DENND1A: variants seen among roughly 807,000 people sequenced by gnomAD.
The protein encoded by DENND1A is DENN domain-containing protein 1A.
In DENND1A, 51 loss-of-function variants were observed where a neutral mutation model predicts 113.7. The ratio of observed to expected loss-of-function variants is 0.45; its 90% CI spans 0.36 to 0.57. The LOEUF (loss-of-function observed/expected upper bound fraction) is 0.57, where lower values mean the gene tolerates loss of function less well. DENND1A is among the 20% of genes least tolerant of loss of function. DENND1A has a pLI of 0.00. For missense variants in DENND1A, 1,258 were observed against 1,395.9 expected (o/e 0.90, Z 1.57); for synonymous variants, 565 against 570.8 (o/e 0.99, Z 0.14).
intron 1 of DENND1A, among the ~76,000 whole-genome samples, chr9:123,920,909 T>C (rs981397673): frequency 6.6e-6 from 1 of 152,116 alleles, no homozygotes; most frequent in Admixed American, 6.6e-5. Flanking sequence ...TAATTCTAAT[T>C]GTTTGCACGC....
At chr9:123,872,115 G>A (rs1846716675) in intron 2 of DENND1A, among the ~76,000 whole-genome samples, 2 of 152,068 alleles carry the variant, frequency 1.3e-5, no homozygotes, top group Non-Finnish European at 2.9e-5. Context: ...GGATCCCTAT[G>A]TAAAGGTAGG....
intron 2 of DENND1A, among the ~76,000 whole-genome samples, chr9:123,833,280 G>T (rs1840559265): frequency 1.3e-5 from 2 of 152,010 alleles, no homozygotes; most frequent in South Asian, 4.2e-4. Context: ...TTTTAACTTT[G>T]TGATAATCCA....
At chr9:123,612,503 T>C (rs865930963) in intron 10 of DENND1A, among the ~76,000 whole-genome samples, 4 of 152,232 alleles carry the variant, frequency 2.6e-5, no homozygotes, top group South Asian at 2.1e-4. Flanking sequence ...TTAACAGCTT[T>C]ATATCTTTGA....
At chr9:123,438,440 T>A (rs937256182) in intron 19 of DENND1A, among the ~76,000 whole-genome samples, 8 of 151,900 alleles carry the variant, frequency 5.3e-5, no homozygotes, top group African/African-American at 1.9e-4. Flanking sequence ...ATAAATAGAG[T>A]GTAGACTGTA....
intron 13 of DENND1A, among the ~76,000 whole-genome samples, chr9:123,541,669 G>T (rs1046661442): frequency 6.6e-6 from 1 of 152,114 alleles, no homozygotes; most frequent in African/African-American, 2.4e-5. Flanking sequence ...CCAGTTAAAG[G>T]GTTTCCAAAA....
chr9:123,777,484 T>A (rs1830638409), intron 3 of DENND1A, among the ~76,000 whole-genome samples: 1 of 152,244 alleles, frequency 6.6e-6, no homozygotes, highest in African/African-American at 2.4e-5. Context: ...CTATGTCACA[T>A]ACATAAGTAC....
At chr9:123,919,614 G>T (rs1318671983) in intron 1 of DENND1A, among the ~76,000 whole-genome samples, 1 of 152,020 alleles carries the variant, frequency 6.6e-6, no homozygotes, top group Non-Finnish European at 1.5e-5. Context: ...TGGAATGGTG[G>T]CTCACACCTG....
chr9:123,776,375 T>C (rs2131743895), intron 3 of DENND1A, among the ~76,000 whole-genome samples: 1 of 152,328 alleles, frequency 6.6e-6, no homozygotes, highest in Non-Finnish European at 1.5e-5. Context: ...TTAAATATGT[T>C]CAAACATAGG....
chr9:123,559,614 G>A (rs1003171996), intron 12 of DENND1A, among the ~76,000 whole-genome samples: 11 of 152,170 alleles, frequency 7.2e-5, no homozygotes, highest in African/African-American at 1.7e-4. Context: ...CTTTAGAAAT[G>A]ATCCACGCAC....
intron 20 of DENND1A, among the ~76,000 whole-genome samples, chr9:123,408,146 A>G (rs1420399170): frequency 6.6e-6 from 1 of 152,144 alleles, no homozygotes; most frequent in African/African-American, 2.4e-5. Flanking sequence ...TTCTGTCTGG[A>G]AAGTTTGTGG....
chr9:123,818,585 A>C (rs999673138), intron 2 of DENND1A, among the ~76,000 whole-genome samples: 1 of 148,038 alleles, frequency 6.8e-6, no homozygotes, highest in Non-Finnish European at 1.5e-5. Flanking sequence ...TATATATATA[A>C]AATGAGATCT....
chr9:123,928,020 A>G (rs1379695782), intron 1 of DENND1A, among the ~76,000 whole-genome samples: 1 of 152,218 alleles, frequency 6.6e-6, no homozygotes, highest in Non-Finnish European at 1.5e-5. Flanking sequence ...ACAAGCTAAC[A>G]TATTTCCCAA....
intron 15 of DENND1A, among the ~76,000 whole-genome samples, chr9:123,456,167 G>T (rs751683651): frequency 6.6e-6 from 1 of 152,076 alleles, no homozygotes; most frequent in Non-Finnish European, 1.5e-5. Context: ...AATGTTTATA[G>T]GTGTATACTG....
chr9:123,646,466 T>A (rs2139239800), intron 9 of DENND1A, among the ~76,000 whole-genome samples: 1 of 152,220 alleles, frequency 6.6e-6, no homozygotes, highest in Non-Finnish European at 1.5e-5. Context: ...CATAAGAATG[T>A]GCCAGGAGAG....
intron 2 of DENND1A, among the ~76,000 whole-genome samples, chr9:123,823,317 G>A (rs905986026): frequency 1.3e-5 from 2 of 152,216 alleles, no homozygotes; most frequent in Non-Finnish European, 2.9e-5. Flanking sequence ...GAATTGGATA[G>A]GCAAAAGTAG....
intron 13 of DENND1A, among the ~76,000 whole-genome samples, chr9:123,539,179 G>T (rs2056087228): frequency 6.6e-6 from 1 of 152,048 alleles, no homozygotes; most frequent in South Asian, 2.1e-4. Flanking sequence ...GACCTGGTAT[G>T]CCTCCTACAG....
intron 5 of DENND1A, among the ~76,000 whole-genome samples, chr9:123,722,491 G>A (rs537016777): frequency 4.6e-5 from 7 of 152,246 alleles, no homozygotes; most frequent in Admixed American, 3.9e-4. Flanking sequence ...AGACCTTTGC[G>A]ACAGCTCCTT....
intron 6 of DENND1A, among the ~76,000 whole-genome samples, chr9:123,674,403 C>T (rs2063941023): frequency 6.6e-6 from 1 of 150,474 alleles, no homozygotes; most frequent in South Asian, 2.1e-4. Context: ...CAATAGAAGC[C>T]TATCTTGCTT....
chr9:123,857,888 T>A (rs1360398143), intron 2 of DENND1A, among the ~76,000 whole-genome samples: 1 of 151,248 alleles, frequency 6.6e-6, no homozygotes, highest in East Asian at 1.9e-4. Context: ...TGAAACCCCA[T>A]CTCTACTAAA....
Sources: gnomAD v4.1 joint callset for allele counts (sites outside exome capture counted in the v4.1 genomes callset) on GRCh38, gnomAD v4.1.1 for gene constraint, MANE v1.5 for transcripts, NCBI Gene and HGNC (gene_info 2026-07-23, HGNC 2026-07-21) for gene names.